Variants in CPNE5 observed in about 807,000 individuals in gnomAD.
CPNE5 encodes copine 5.
Under a neutral mutation model 81.1 loss-of-function variants are expected in CPNE5, and 42 were observed. The observed-to-expected ratio is 0.52, with a 90% CI of 0.40 to 0.67. The LOEUF is 0.67. CPNE5 is among the 30% of genes least tolerant of loss of function. The pLI is 0.00. For missense variants in CPNE5, 612 were observed against 815.5 expected (o/e 0.75, Z 3.04); for synonymous variants, 313 against 321.5 (o/e 0.97, Z 0.28).
At position 36,787,098 on chromosome 6, in the gene CPNE5, A is replaced by G. The variant is rs531608814; in HGVS notation, c.528+4935T>C. On this transcript the variant is annotated intron_variant, in intron 8 of 20. Coordinates refer to ENST00000244751, the MANE Select transcript of CPNE5 (RefSeq NM_020939.2). ...CTCAGCCACAACACACGACTCTCCT[A>G]TGTATCAACCTGCATACTTCCGAGT... 1.1e-3 allele frequency among the ~76,000 whole-genome samples: 174 copies of G among 152,192 alleles called. 1 individual carries two copies. Among genetic ancestry groups the G allele is most frequent in the African/African-American group, 3.3e-3 (137 of 41,528 alleles).
intron 10 of CPNE5, among the ~76,000 whole-genome samples, chr6:36,770,276 T>G (rs982598983): frequency 1.3e-5 from 2 of 152,196 alleles, no homozygotes; most frequent in African/African-American, 4.8e-5. Flanking sequence ...AGGAGGGAAA[T>G]GCAGCTTCTC....
chr6:36,836,520 G>C (rs1773518183), intron 1 of CPNE5, among the ~76,000 whole-genome samples: 1 of 152,156 alleles, frequency 6.6e-6, no homozygotes, highest in Admixed American at 6.5e-5. Context: ...ACCCCCTGGA[G>C]TTCTCACCTG....
chr6:36,762,670 T>C (rs1490029294), intron 12 of CPNE5, among the ~76,000 whole-genome samples: 1 of 152,304 alleles, frequency 6.6e-6, no homozygotes, highest in East Asian at 1.9e-4. Context: ...ACACTATAAC[T>C]CGGTGATTTG....
intron 1 of CPNE5, among the ~76,000 whole-genome samples, chr6:36,834,334 A>C (rs1038037842): frequency 3.3e-5 from 5 of 150,498 alleles, no homozygotes; most frequent in Non-Finnish European, 5.9e-5. Flanking sequence ...GAAAAAAAAA[A>C]CAAGTTGTGT....
intron 1 of CPNE5, among the ~76,000 whole-genome samples, chr6:36,833,215 C>T (rs1037734664): frequency 6.6e-6 from 1 of 152,182 alleles, no homozygotes; most frequent in African/African-American, 2.4e-5. Context: ...ACTGTGTAAC[C>T]TTGGCCAAGT....
At position 36,798,060 on chromosome 6, in the gene CPNE5, A is replaced by T. The variant is rs920612744; in HGVS notation, c.404+105T>A. The stretch of plus-strand genomic sequence containing the variant: ...CTCTTTATTCCTAATAACCCTGCAG[A>T]TGCCAGTCATAGCCAGCTGACTGCT... On this transcript the variant is annotated intron_variant, in intron 6 of 20. Transcript: ENST00000244751. The T allele has an allele frequency of 5.4e-5, 43 of 800,290 alleles. No individual in the cohort carries two copies. In the African/African-American group the frequency reaches 6.0e-4, roughly 11 times the overall value. 49.6% of individuals were successfully genotyped at this position (800,290 alleles called of 1,614,324 possible). A position where few individuals can be genotyped will look rare whatever the true frequency, so the allele number is the denominator to read the frequency against.
intron 3 of CPNE5, among the ~76,000 whole-genome samples, chr6:36,806,801 C>T (rs1312071260): frequency 6.6e-6 from 1 of 152,202 alleles, no homozygotes; most frequent in Non-Finnish European, 1.5e-5. Context: ...GCATGACTCC[C>T]GATCATGCAG....
chr6:36,823,546 C>T (rs975930929), intron 1 of CPNE5, among the ~76,000 whole-genome samples: 1 of 152,196 alleles, frequency 6.6e-6, no homozygotes, highest in African/African-American at 2.4e-5. Context: ...CCAGTTTATT[C>T]GATGGTCTCA....
chr6:36,817,964 C>A (rs1466979446), intron 3 of CPNE5, among the ~76,000 whole-genome samples: 1 of 152,134 alleles, frequency 6.6e-6, no homozygotes, highest in East Asian at 1.9e-4. Context: ...CCCCATCCAC[C>A]CCTTTATTAC....
intron 1 of CPNE5, among the ~76,000 whole-genome samples, chr6:36,837,447 G>A (rs959024550): frequency 2.0e-5 from 3 of 152,198 alleles, no homozygotes; most frequent in African/African-American, 7.2e-5. Context: ...CTGGAGTAGA[G>A]GGTGCATGGG....
intron 9 of CPNE5, among the ~76,000 whole-genome samples, chr6:36,776,263 G>A (rs1767490881): frequency 6.6e-6 from 1 of 152,220 alleles, no homozygotes; most frequent in Admixed American, 6.5e-5. Flanking sequence ...ATAAGTGCCT[G>A]GGCTCCACCC....
rs753845830 is a variant in CPNE5, at chr6:36,781,590, T to A, written c.529-2633A>T. On this transcript the variant is annotated intron_variant, in intron 8 of 20. Coordinates refer to ENST00000244751, the MANE Select transcript of CPNE5 (RefSeq NM_020939.2). ...TCCTCAGGAGAAAGTTCTAATCCCG[T>A]CCCATGCTGGATGGAAGGAACACTT... Among the ~76,000 whole-genome samples, 215 of 152,060 alleles carry A rather than the reference T, an allele frequency of 1.4e-3. 3 individuals carry two copies. The highest frequency in any genetic ancestry group is 3.1e-3 in the Admixed American group (48 of 15,272).
intron 1 of CPNE5, among the ~76,000 whole-genome samples, chr6:36,831,933 G>A (rs1773018867): frequency 6.6e-6 from 1 of 152,134 alleles, no homozygotes; most frequent in Admixed American, 6.5e-5. Context: ...GCCAGGAGTG[G>A]CACTGACTTT....
In CPNE5 at chr6:36,815,175, CA is replaced by C. The variant is rs11375655; in HGVS notation, c.183+6938del. On this transcript the variant is annotated intron_variant, in intron 3 of 20. Coordinates refer to ENST00000244751, the MANE Select transcript of CPNE5 (RefSeq NM_020939.2). ...TCTGTCTCAAAAAAAAAAAAAAGAA[CA>C]AAAAAAAAGAACAGAACAGTGTCTG... Among the ~76,000 whole-genome samples the C allele has an allele frequency of 9.2e-4, 135 of 147,270 alleles. 1 individual carries two copies. In the East Asian group the frequency reaches 0.025, roughly 27 times the overall value.
intron 19 of CPNE5, 50 bp from the exon 20 acceptor site, chr6:36,743,812 C>A (rs41272178): frequency 0.049 from 73,698 of 1,498,764 alleles, 2,214 homozygotes; most frequent in African/African-American, 0.11. Context: ...CGGTGGACCC[C>A]TGGCCCTAGC....
intron 1 of CPNE5, among the ~76,000 whole-genome samples, chr6:36,833,340 C>A (rs1024176210): frequency 6.6e-6 from 1 of 152,220 alleles, no homozygotes; most frequent in Non-Finnish European, 1.5e-5. Flanking sequence ...ATAAGATGGC[C>A]TCCAAGATTC....
chr6:36,769,675 C>T (rs553120083), intron 10 of CPNE5, among the ~76,000 whole-genome samples: 9 of 152,360 alleles, frequency 5.9e-5, no homozygotes, highest in Non-Finnish European at 8.8e-5. Flanking sequence ...GCAGCAATCT[C>T]GGCCCCCAGG....
At chr6:36,794,750 G>A (rs1377347951) in intron 6 of CPNE5, 101 bp from the exon 7 acceptor site, 1 of 1,037,502 alleles carries the variant, frequency 9.6e-7, no homozygotes. Flanking sequence ...ACAAGCGGCT[G>A]CTCTGGAAGT....
In CPNE5 at chr6:36,746,198, G is replaced by T; in HGVS notation, c.1200+198C>A. ...GGCCAGCTGTGGGCAGGCAGCTTCA[G>T]ACATGGAGGGGCAGCATCTGTGATC... On this transcript the variant is annotated intron_variant, in intron 16 of 20. Coordinates refer to ENST00000244751, the MANE Select transcript of CPNE5 (RefSeq NM_020939.2). The surrounding 1 kb of genome is among the most constrained non-coding windows in gnomAD (Gnocchi z 4.5). The T allele has an allele frequency of 1.0e-6, 1 of 985,422 alleles. No individual in the cohort carries two copies. Among genetic ancestry groups the T allele is most frequent in the Non-Finnish European group, 1.2e-6 (1 of 829,906 alleles). The allele number at this position is 985,422 out of a possible 1,614,324, so 61.0% of individuals were successfully genotyped here.
Sources: allele counts gnomAD v4.1 joint callset (sites outside exome capture counted in the v4.1 genomes callset), GRCh38; gene constraint gnomAD v4.1.1; non-coding constraint Gnocchi (gnomAD v3.1); transcripts MANE v1.5; gene names NCBI Gene and HGNC (gene_info 2026-07-23, HGNC 2026-07-21).